MSI2: variants seen among roughly 807,000 people sequenced by gnomAD.
The protein encoded by MSI2 is musashi RNA binding protein 2, also known as RNA-binding protein Musashi homolog 2.
MSI2 carries 17 observed loss-of-function variants against 45.6 expected under a neutral mutation model. The ratio of observed to expected loss-of-function variants is 0.37; its 90% CI spans 0.26 to 0.56. The LOEUF (loss-of-function observed/expected upper bound fraction) is 0.56, where lower values mean the gene tolerates loss of function less well. Among genes scored for constraint, MSI2 ranks in the 20% least tolerant of loss-of-function variants. The pLI is 0.77. For synonymous variants in MSI2, 156 were observed against 158.2 expected, an observed-to-expected ratio of 0.99 and a Z score of 0.11; for missense variants, 293 against 444.2, an observed-to-expected ratio of 0.66 and a Z score of 3.06.
At chr17:57,475,108 T>A (rs2085513064) in intron 6 of MSI2, among the ~76,000 whole-genome samples, 1 of 152,204 alleles carries the variant, frequency 6.6e-6, no homozygotes, top group Admixed American at 6.5e-5. Context: ...TCAACAGATA[T>A]GCAGTAACTG....
At chr17:57,371,491 T>C (rs1215671108) in intron 5 of MSI2, among the ~76,000 whole-genome samples, 1 of 139,636 alleles carries the variant, frequency 7.2e-6, no homozygotes, top group Non-Finnish European at 1.5e-5. Flanking sequence ...TACATTTTTT[T>C]CTGTCCTTTT....
rs550194763 is a variant in MSI2, at chr17:57,451,480, G to C, written c.405+50009G>C. Among the ~76,000 whole-genome samples the C allele has an allele frequency of 2.5e-4, 38 of 152,328 alleles. 1 individual carries two copies. The South Asian group carries it at 7.9e-3, about 32-fold the overall frequency. On this transcript the variant is annotated intron_variant, in intron 6 of 13. Coordinates refer to ENST00000284073, the MANE Select transcript of MSI2 (RefSeq NM_138962.4). ...ATCAGCCCATCGTGGGCTCCCAGCT[G>C]TCCTGTGACATTTCTGCAGCTTCAG...
At chr17:57,299,798 T>A (rs1911282861) in intron 5 of MSI2, among the ~76,000 whole-genome samples, 1 of 152,184 alleles carries the variant, frequency 6.6e-6, no homozygotes, top group Non-Finnish European at 1.5e-5. Context: ...AAAATGATGC[T>A]GATAGACTTA....
At chr17:57,346,861 C>T (rs1194340057) in intron 5 of MSI2, among the ~76,000 whole-genome samples, 1 of 152,186 alleles carries the variant, frequency 6.6e-6, no homozygotes, top group African/African-American at 2.4e-5. Flanking sequence ...CCTGTCCCGG[C>T]CTCCCAAAGT....
intron 6 of MSI2, among the ~76,000 whole-genome samples, chr17:57,479,111 A>T (rs1473875696): frequency 2.0e-5 from 3 of 152,150 alleles, no homozygotes; most frequent in Non-Finnish European, 4.4e-5. Context: ...GCTTTGGCAG[A>T]GTGGCACCTT....
the MSI2 span, among the ~76,000 whole-genome samples, chr17:57,693,018 T>C: frequency 6.6e-6 from 1 of 152,088 alleles, no homozygotes; most frequent in Non-Finnish European, 1.5e-5. Flanking sequence ...CATCCATTAT[T>C]TCTTCAGATA....
intron 5 of MSI2, among the ~76,000 whole-genome samples, chr17:57,295,442 G>C (rs1225631396): frequency 6.6e-6 from 1 of 152,140 alleles, no homozygotes; most frequent in Non-Finnish European, 1.5e-5. Flanking sequence ...TAAGAACTCA[G>C]TTTCTGACTC....
chr17:57,339,789 T>G (rs1482315404), intron 5 of MSI2, among the ~76,000 whole-genome samples: 1 of 152,156 alleles, frequency 6.6e-6, no homozygotes, highest in East Asian at 1.9e-4. Context: ...TGAGGACCTT[T>G]GGGTCTCCTG....
At chr17:57,454,438 CT>C (rs35707042) in intron 6 of MSI2, among the ~76,000 whole-genome samples, 1,466 of 130,086 alleles carry the variant, frequency 0.011, 8 homozygotes, top group African/African-American at 0.021. Context: ...TTTTCTCTTT[CT>C]TTTTTTTTTT....
chr17:57,530,165 G>A (rs1427602369), intron 7 of MSI2, among the ~76,000 whole-genome samples: 1 of 152,170 alleles, frequency 6.6e-6, no homozygotes, highest in Non-Finnish European at 1.5e-5. Flanking sequence ...AGGTTCGTTG[G>A]GTGTGTAGTG....
chr17:57,406,484 G>A (rs1250579515), intron 6 of MSI2, among the ~76,000 whole-genome samples: 1 of 152,144 alleles, frequency 6.6e-6, no homozygotes, highest in Admixed American at 6.5e-5. Flanking sequence ...GAGCCGTTCC[G>A]CACCTTTCAG....
chr17:57,322,380 T>G (rs1598117704), intron 5 of MSI2, among the ~76,000 whole-genome samples: 2 of 152,182 alleles, frequency 1.3e-5, no homozygotes, highest in East Asian at 3.8e-4. Context: ...AAAAATTTAT[T>G]CCTGTTTCAG....
At chr17:57,402,005 A>G (rs2084001238) in intron 6 of MSI2, among the ~76,000 whole-genome samples, 1 of 152,214 alleles carries the variant, frequency 6.6e-6, no homozygotes, top group South Asian at 2.1e-4. Flanking sequence ...GTGAGACAGC[A>G]GTAAAATTAC....
intron 5 of MSI2, among the ~76,000 whole-genome samples, chr17:57,276,004 G>A (rs1308251907): frequency 1.3e-5 from 2 of 152,088 alleles, no homozygotes; most frequent in Non-Finnish European, 2.9e-5. Context: ...GAGTCTTGGG[G>A]GAGCATCTCT....
chr17:57,474,314 CG>C (rs559758787), intron 6 of MSI2, among the ~76,000 whole-genome samples: 71 of 152,132 alleles, frequency 4.7e-4, no homozygotes, highest in Non-Finnish European at 8.2e-4. Context: ...AGCTGAGTCC[CG>C]GTGAAGTCGA....
chr17:57,632,617 C>G (rs1909489224), intron 10 of MSI2: 2 of 1,066,188 alleles, frequency 1.9e-6, no homozygotes, highest in Non-Finnish European at 2.3e-6. Flanking sequence ...CAGGCCCCAT[C>G]TCAAGGTTGG....
At chr17:57,670,693 G>A (rs565787242) in intron 11 of MSI2, among the ~76,000 whole-genome samples, 1 of 152,232 alleles carries the variant, frequency 6.6e-6, no homozygotes, top group Admixed American at 6.5e-5. Context: ...TGCACCAAAT[G>A]GATAAATTGG....
At chr17:57,297,192 T>G (rs1199873066) in intron 5 of MSI2, among the ~76,000 whole-genome samples, 13 of 151,762 alleles carry the variant, frequency 8.6e-5, no homozygotes, top group Non-Finnish European at 1.6e-4. Flanking sequence ...TTTTTTGTTT[T>G]TTTTTTTTTT....
At chr17:57,700,932 C>T in the MSI2 span, among the ~76,000 whole-genome samples, 2 of 151,970 alleles carry the variant, frequency 1.3e-5, no homozygotes, top group Non-Finnish European at 2.9e-5. Flanking sequence ...ATAATGTCAG[C>T]CTGCTCCCAC....
Sources: gnomAD v4.1 joint callset for allele counts (sites outside exome capture counted in the v4.1 genomes callset) on GRCh38, gnomAD v4.1.1 for gene constraint, MANE v1.5 for transcripts, NCBI Gene and HGNC (gene_info 2026-07-23, HGNC 2026-07-21) for gene names.